The following BRAF variants were observed in gnomAD, a reference collection of about 807,000 sequenced individuals.
The protein encoded by BRAF is B-Raf proto-oncogene, serine/threonine kinase.
BRAF carries 16 observed loss-of-function variants against 104.6 expected under a neutral mutation model. That is an observed-to-expected ratio of 0.15 (90% CI 0.10 to 0.23). The LOEUF is 0.23. Among genes scored for constraint, BRAF ranks in the 10% least tolerant of loss-of-function variants. The pLI, the probability that BRAF is intolerant of heterozygous loss-of-function variation, is 1.00. For synonymous variants in BRAF, 310 were observed against 341.6 expected (o/e 0.91, Z 1.02); for missense variants, 541 against 937.3 (o/e 0.58, Z 5.52).
chr7:140,813,411 A>G (rs1454136071), intron 3 of BRAF, among the ~76,000 whole-genome samples: 1 of 152,206 alleles, frequency 6.6e-6, no homozygotes, highest in Non-Finnish European at 1.5e-5. Flanking sequence ...TGAAGCTATA[A>G]ACAGACATCT....
rs527992726 is a variant in BRAF, at chr7:140,814,989, G to A, written c.505-5994C>T. Among the ~76,000 whole-genome samples the A allele has an allele frequency of 1.1e-4, 16 of 151,650 alleles. No homozygotes were observed. The South Asian group carries it at 1.5e-3, about 14-fold the overall frequency. ...GCAGACGATTATATGCCTTAAGTAA[G>A]CTTCATGATACAGTAACATCTTAAA... On this transcript the variant is annotated intron_variant, in intron 3 of 19. Coordinates refer to ENST00000644969, the MANE Select transcript of BRAF (RefSeq NM_001374258.1).
At chr7:140,808,446 C>T (rs571900325) in intron 4 of BRAF, 2 of 339,480 alleles carry the variant, frequency 5.9e-6, no homozygotes, top group Admixed American at 4.4e-5. Flanking sequence ...AACATGCCCC[C>T]AAAATAATTT....
chr7:140,813,884 T>TACACACACAC (rs895133249), intron 3 of BRAF, among the ~76,000 whole-genome samples: 3 of 149,642 alleles, frequency 2.0e-5, no homozygotes, highest in South Asian at 2.2e-4. Context: ...TGCGGACGCA[T>TACACACACAC]ACATACACAC....
At chr7:140,897,573 C>T (rs2129125273) in intron 1 of BRAF, among the ~76,000 whole-genome samples, 1 of 144,018 alleles carries the variant, frequency 6.9e-6, no homozygotes, top group Middle Eastern at 3.8e-3. Context: ...TCAGCTCATG[C>T]AACCTCTGCC....
Position 140,924,530 on chromosome 7 carries a change from G to T in BRAF, c.138+36C>A. Reference sequence around the variant, plus strand: ...AAACACCAGCCAGCCGCCGAGCCCGGAGTCGGGAGGGCGGCAGGGTGGCGC... The same window carrying T: ...AAACACCAGCCAGCCGCCGAGCCCGTAGTCGGGAGGGCGGCAGGGTGGCGC... On this transcript the variant is annotated intron_variant, in intron 1 of 19. Transcript: ENST00000644969. This position sits in a 1 kb window ranked among gnomAD's most constrained non-coding sequence, Gnocchi z 4.2. The T allele has an allele frequency of 6.5e-7, 1 of 1,533,646 alleles. No homozygotes were observed. Among genetic ancestry groups the T allele is most frequent in the South Asian group, 1.2e-5 (1 of 84,058 alleles).
intron 12 of BRAF, among the ~76,000 whole-genome samples, chr7:140,778,945 A>C (rs1217245307): frequency 6.6e-6 from 1 of 152,220 alleles, no homozygotes; most frequent in Non-Finnish European, 1.5e-5. Flanking sequence ...TGTTTACAGC[A>C]CCAGCATCAA....
At chr7:140,820,145 C>T (rs1267839585) in intron 3 of BRAF, among the ~76,000 whole-genome samples, 1 of 152,068 alleles carries the variant, frequency 6.6e-6, no homozygotes, top group Non-Finnish European at 1.5e-5. Flanking sequence ...ACAAACAATA[C>T]ACACAGGATT....
intron 3 of BRAF, among the ~76,000 whole-genome samples, chr7:140,824,669 C>T (rs1238339930): frequency 6.6e-6 from 1 of 151,252 alleles, no homozygotes; most frequent in Non-Finnish European, 1.5e-5. Flanking sequence ...AAAAAAAGCC[C>T]GTTGGGATTT....
At chr7:140,916,892 A>C (rs1817689292) in intron 1 of BRAF, among the ~76,000 whole-genome samples, 1 of 152,230 alleles carries the variant, frequency 6.6e-6, no homozygotes, top group South Asian at 2.1e-4. Context: ...CTGATTTTAA[A>C]TTTAACTATA....
intron 14 of BRAF, among the ~76,000 whole-genome samples, chr7:140,767,902 G>A (rs912763712): frequency 6.6e-5 from 10 of 152,186 alleles, no homozygotes; most frequent in Non-Finnish European, 1.5e-5. Context: ...CTGACACATA[G>A]TAAGTGCATA....
chr7:140,881,105 A>T (rs1439678276), intron 1 of BRAF, among the ~76,000 whole-genome samples: 1 of 152,234 alleles, frequency 6.6e-6, no homozygotes, highest in Non-Finnish European at 1.5e-5. Flanking sequence ...AGGGGGTCTC[A>T]ACAGTGGGCT....
intron 1 of BRAF, among the ~76,000 whole-genome samples, chr7:140,883,043 T>TAAAC (rs1448155896): frequency 2.0e-5 from 3 of 151,336 alleles, no homozygotes; most frequent in African/African-American, 7.3e-5. Flanking sequence ...AATAAATAAA[T>TAAAC]AAATAAAGGA....
At chr7:140,734,874 T>C in intron 18 of BRAF, 104 bp from the exon 18 acceptor site, 2 of 1,312,992 alleles carry the variant, frequency 1.5e-6, no homozygotes, top group East Asian at 5.1e-5. Flanking sequence ...CTGGGTGGTA[T>C]AAATCTTTAA....
At chr7:140,884,427 ATATGTGTGTG>A (rs750945274) in intron 1 of BRAF, among the ~76,000 whole-genome samples, 18 of 114,662 alleles carry the variant, frequency 1.6e-4, no homozygotes, top group East Asian at 5.4e-4. Flanking sequence ...TATATATAAG[ATATGTGTGTG>A]TGTGTGTGTG....
chr7:140,899,994 G>A (rs1815417490), intron 1 of BRAF, among the ~76,000 whole-genome samples: 1 of 152,228 alleles, frequency 6.6e-6, no homozygotes, highest in Non-Finnish European at 1.5e-5. Flanking sequence ...ACATCCACAT[G>A]AGGGAGCACA....
At chr7:140,728,446 C>A (rs2130840902) in intron 19 of BRAF, among the ~76,000 whole-genome samples, 1 of 151,706 alleles carries the variant, frequency 6.6e-6, no homozygotes. Flanking sequence ...TTCCTTTTAA[C>A]AAGCAATTAA....
chr7:140,851,232 TTGTC>T (rs1809126733), intron 1 of BRAF, among the ~76,000 whole-genome samples: 1 of 152,186 alleles, frequency 6.6e-6, no homozygotes, highest in East Asian at 1.9e-4. Context: ...ACAGTCCAAT[TTGTC>T]TGGTTTGATA....
Position 140,721,845 on chromosome 7 carries a change from C to T in BRAF, c.*4649G>A, listed in dbSNP as rs936631823. ...GCCTTGAGACCTCCACCCTGGCCCC[C>T]ACAGCGCTTTGGGACAGGATGACTA... On this transcript the variant is annotated 3_prime_UTR_variant, in exon 20 of 20. Coordinates refer to ENST00000644969, the MANE Select transcript of BRAF (RefSeq NM_001374258.1). 1 of 1,334,848 alleles carries T rather than the reference C, an allele frequency of 7.5e-7. No homozygotes were observed. Among genetic ancestry groups the T allele is most frequent in the African/African-American group, 1.5e-5 (1 of 66,018 alleles). The allele number at this position is 1,334,848 out of a possible 1,614,324, so 82.7% of individuals were successfully genotyped here.
intron 3 of BRAF, among the ~76,000 whole-genome samples, chr7:140,811,070 C>A (rs1032704530): frequency 6.6e-6 from 1 of 152,166 alleles, no homozygotes; most frequent in African/African-American, 2.4e-5. Flanking sequence ...TTCCTTCAGG[C>A]ATGAGTTATA....
Sources: gnomAD v4.1 joint callset for allele counts (sites outside exome capture counted in the v4.1 genomes callset) on GRCh38, gnomAD v4.1.1 for gene constraint, Gnocchi (gnomAD v3.1) non-coding constraint, MANE v1.5 for transcripts, NCBI Gene and HGNC (gene_info 2026-07-23, HGNC 2026-07-21) for gene names.